Variants in GPATCH8 observed in about 807,000 individuals in gnomAD.
GPATCH8 encodes G-patch domain containing 8, also known as G patch domain-containing protein 8.
In GPATCH8, 18 loss-of-function variants were observed where a neutral mutation model predicts 118.3. The ratio of observed to expected loss-of-function variants is 0.15; its 90% CI spans 0.11 to 0.23. The LOEUF (loss-of-function observed/expected upper bound fraction) is 0.23. Ranked by LOEUF, GPATCH8 falls within the 10% of genes least tolerant of loss-of-function variation. The pLI is 1.00. For synonymous variants in GPATCH8, 659 were observed against 684.7 expected (o/e 0.96, Z 0.59); for missense variants, 1,631 against 1,873.8 (o/e 0.87, Z 2.39).
intron 6 of GPATCH8, among the ~76,000 whole-genome samples, chr17:44,406,528 T>G (rs1273927342): frequency 1.1e-5 from 1 of 91,642 alleles, no homozygotes. Context: ...TTAGAACAAA[T>G]AGAAAGCATA....
chr17:44,443,210 A>T (rs1468786286), intron 3 of GPATCH8, among the ~76,000 whole-genome samples: 2 of 152,242 alleles, frequency 1.3e-5, no homozygotes. Flanking sequence ...AAAAAAAATT[A>T]CGCAGGTGAT....
At chr17:44,452,320 G>A (rs970498065) in intron 3 of GPATCH8, among the ~76,000 whole-genome samples, 2 of 151,150 alleles carry the variant, frequency 1.3e-5, no homozygotes, top group African/African-American at 4.9e-5. Context: ...AAGATCTTGG[G>A]CAAAGATCTT....
At position 44,398,664 on chromosome 17, in the gene GPATCH8, G is replaced by C; in HGVS notation, c.3413C>G (p.Ser1138Cys). The change falls in exon 8 of 8, where the codon TCT becomes TGT. Residue 1138 changes from serine to cysteine, a missense_variant. This residue lies in a region of GPATCH8 where 922 missense variants were observed against 879.7 expected (regional missense o/e 1.05). Transcript: ENST00000591680. Reference sequence around the variant, plus strand: ...TGGAAGGACAGGCTTATTGCCAAGAGATGGGGGGAGCTTGGGCCCAAAGTA... The same window carrying C: ...TGGAAGGACAGGCTTATTGCCAAGACATGGGGGGAGCTTGGGCCCAAAGTA... ...QGYFGPKLPP[S>C]LGNKPVLPLI... The C allele has an allele frequency of 6.4e-7, 1 of 1,568,010 alleles. No homozygotes were observed. The highest frequency in any genetic ancestry group is 8.6e-7 in the Non-Finnish European group (1 of 1,157,026).
At chr17:44,461,541 T>A (rs1274903359) in intron 3 of GPATCH8, among the ~76,000 whole-genome samples, 1 of 152,176 alleles carries the variant, frequency 6.6e-6, no homozygotes, top group Non-Finnish European at 1.5e-5. Context: ...AGCTTTAAAT[T>A]TCCCTTGAAT....
At chr17:44,418,964 T>C (rs767527241) in intron 6 of GPATCH8, among the ~76,000 whole-genome samples, 57 of 152,220 alleles carry the variant, frequency 3.7e-4, no homozygotes, top group African/African-American at 1.4e-3. Context: ...AGCTGGGTCT[T>C]AATATTTTTG....
At chr17:44,425,328 A>T (rs1396371996) in intron 5 of GPATCH8, among the ~76,000 whole-genome samples, 1 of 152,204 alleles carries the variant, frequency 6.6e-6, no homozygotes, top group Non-Finnish European at 1.5e-5. Context: ...CAAAGACTAT[A>T]TCTACAGTTT....
At chr17:44,477,580 A>G (rs1405853734) in intron 1 of GPATCH8, among the ~76,000 whole-genome samples, 3 of 152,060 alleles carry the variant, frequency 2.0e-5, no homozygotes, top group South Asian at 4.2e-4. Context: ...TTTATGTTAC[A>G]CATATTTTAC....
At chr17:44,421,346 AAAAC>A (rs920000913) in intron 6 of GPATCH8, among the ~76,000 whole-genome samples, 9 of 151,826 alleles carry the variant, frequency 5.9e-5, no homozygotes, top group South Asian at 2.1e-4. Context: ...CATCTCAAGA[AAAAC>A]AAACAAACAA....
At chr17:44,418,673 G>C (rs947558587) in intron 6 of GPATCH8, among the ~76,000 whole-genome samples, 3 of 152,022 alleles carry the variant, frequency 2.0e-5, no homozygotes, top group African/African-American at 7.2e-5. Context: ...GGATGGTCTC[G>C]ATCTCCTGAC....
Position 44,441,944 on chromosome 17 carries a change from C to G in GPATCH8, c.194-5399G>C, listed in dbSNP as rs191924793. 3.8e-3 allele frequency among the ~76,000 whole-genome samples: 577 copies of G among 151,940 alleles called. 13 individuals carry two copies. The highest frequency in any genetic ancestry group is 2.7e-3 in the Non-Finnish European group (182 of 67,970). Reference sequence around the variant, plus strand: ...TTGGGAGGCTGAGGCAGGAGAATCGCTTAAACCCGGGAGGCGGAGGTTGCA... The same window carrying G: ...TTGGGAGGCTGAGGCAGGAGAATCGGTTAAACCCGGGAGGCGGAGGTTGCA... On this transcript the variant is annotated intron_variant, in intron 3 of 7. Transcript: ENST00000591680.
chr17:44,460,857 T>C (rs1239862668), intron 3 of GPATCH8, among the ~76,000 whole-genome samples: 1 of 152,186 alleles, frequency 6.6e-6, no homozygotes, highest in Non-Finnish European at 1.5e-5. Flanking sequence ...TGCCTCAATA[T>C]GCAATAAATG....
At chr17:44,422,523 TCTGTCACCCAGG>T (rs2049945811) in intron 6 of GPATCH8, among the ~76,000 whole-genome samples, 1 of 151,670 alleles carries the variant, frequency 6.6e-6, no homozygotes, top group Non-Finnish European at 1.5e-5. Flanking sequence ...GGAGTCTTGC[TCTGTCACCCAGG>T]CTGGAGTGCA....
At chr17:44,431,439 A>C (rs2050311865) in intron 5 of GPATCH8, among the ~76,000 whole-genome samples, 1 of 151,504 alleles carries the variant, frequency 6.6e-6, no homozygotes, top group Non-Finnish European at 1.5e-5. Flanking sequence ...TTTATCTCTA[A>C]AGGAGACAGA....
At chr17:44,409,601 G>A (rs1193287106) in intron 6 of GPATCH8, among the ~76,000 whole-genome samples, 1 of 152,138 alleles carries the variant, frequency 6.6e-6, no homozygotes, top group African/African-American at 2.4e-5. Flanking sequence ...TATGTGTAAA[G>A]CATCGGAGTC....
intron 3 of GPATCH8, chr17:44,436,758 G>C: frequency 1.7e-6 from 1 of 584,110 alleles, no homozygotes; most frequent in South Asian, 2.1e-5. Context: ...GTCCAGTTGG[G>C]ATTAATTTCA....
chr17:44,396,376 C>A lies in GPATCH8; in HGVS notation c.*1192G>T. 2.2e-6 allele frequency: 1 copy of A among 454,508 alleles called. No homozygotes were observed. The highest frequency in any genetic ancestry group is 1.6e-5 in the South Asian group (1 of 64,484). The allele number at this position is 454,508 out of a possible 1,614,324, so 28.2% of individuals were successfully genotyped here. On this transcript the variant is annotated 3_prime_UTR_variant, in exon 8 of 8. Transcript: ENST00000591680. ...GAGACTGTTAAAGATGAGCATCCCTCAGAAGCCCCCAGCTGACTGCTGCCC... is the reference window on the plus strand; with the variant it reads ...GAGACTGTTAAAGATGAGCATCCCTAAGAAGCCCCCAGCTGACTGCTGCCC...
chr17:44,486,941 G>C (rs559386053), intron 1 of GPATCH8: 16 of 152,228 alleles, frequency 1.1e-4, no homozygotes, highest in Non-Finnish European at 2.1e-4. Flanking sequence ...TGAAAGTATA[G>C]ACACAGCATC....
At chr17:44,432,143 T>C (rs1037689018) in intron 5 of GPATCH8, among the ~76,000 whole-genome samples, 3 of 151,488 alleles carry the variant, frequency 2.0e-5, no homozygotes, top group Non-Finnish European at 2.9e-5. Flanking sequence ...AAGAGAAAGG[T>C]TGCCAATACA....
At chr17:44,427,420 A>G (rs1325305013) in intron 5 of GPATCH8, among the ~76,000 whole-genome samples, 2 of 152,124 alleles carry the variant, frequency 1.3e-5, no homozygotes, top group Non-Finnish European at 2.9e-5. Flanking sequence ...ATAATAGAAG[A>G]AAACTCAGCA....
Sources: allele counts gnomAD v4.1 joint callset (sites outside exome capture counted in the v4.1 genomes callset), GRCh38; gene constraint gnomAD v4.1.1; regional missense constraint gnomAD v4.1.1; transcripts MANE v1.5; gene names NCBI Gene and HGNC (gene_info 2026-07-23, HGNC 2026-07-21).